Variants in LARGE1 observed in about 807,000 individuals in gnomAD.
LARGE1 encodes LARGE xylosyl- and glucuronyltransferase 1, also known as xylosyl- and glucuronyltransferase LARGE1.
Under a neutral mutation model 87.6 loss-of-function variants are expected in LARGE1, and 43 were observed. The observed-to-expected ratio is 0.49, with a 90% confidence interval of 0.38 to 0.63. The LOEUF is 0.63. LARGE1 is among the 30% of genes least tolerant of loss of function. The pLI, the probability that LARGE1 is intolerant of heterozygous loss-of-function variation, is 0.00. For synonymous variants in LARGE1, 434 were observed against 394.6 expected (o/e 1.10, Z -1.18); for missense variants, 802 against 1,000.2 (o/e 0.80, Z 2.67).
At chr22:33,718,978 G>A (rs763660303) in intron 2 of LARGE1, among the ~76,000 whole-genome samples, 7 of 152,024 alleles carry the variant, frequency 4.6e-5, no homozygotes, top group Admixed American at 3.3e-4. Context: ...TAGTAGAGAC[G>A]GAGTTTCACC....
rs1412221603 is a variant in LARGE1, at chr22:33,273,563, T to G, written c.*864A>C. 1 of 398,512 alleles carries G rather than the reference T, an allele frequency of 2.5e-6. No homozygotes were observed. The highest frequency in any genetic ancestry group is 4.4e-6 in the Non-Finnish European group (1 of 226,146). 24.7% of individuals were successfully genotyped at this position (398,512 alleles called of 1,614,324 possible). ...GTGTAAAACAGCCAGCCCTCGTAATTCCGCAGTCCCCATCGCTATAGCCCC... is the reference window on the plus strand; with the variant it reads ...GTGTAAAACAGCCAGCCCTCGTAATGCCGCAGTCCCCATCGCTATAGCCCC... On this transcript the variant is annotated 3_prime_UTR_variant, in exon 15 of 15. Coordinates refer to ENST00000397394, the MANE Select transcript of LARGE1 (RefSeq NM_133642.5).
chr22:33,389,135 G>A (rs2065427422), intron 7 of LARGE1, among the ~76,000 whole-genome samples: 2 of 152,338 alleles, frequency 1.3e-5, no homozygotes, highest in South Asian at 2.1e-4. Flanking sequence ...AGAGGCAGGA[G>A]ATGCATGACA....
At chr22:33,560,010 C>A (rs2077807942) in intron 6 of LARGE1, among the ~76,000 whole-genome samples, 1 of 152,086 alleles carries the variant, frequency 6.6e-6, no homozygotes, top group Non-Finnish European at 1.5e-5. Context: ...CTTAACTCCA[C>A]CCACATGACA....
chr22:33,899,319 A>G (rs1321526769), intron 1 of LARGE1, among the ~76,000 whole-genome samples: 3 of 152,200 alleles, frequency 2.0e-5, no homozygotes, highest in Non-Finnish European at 4.4e-5. Flanking sequence ...CATGTCAAAA[A>G]TGGAACTGGG....
chr22:33,768,269 G>A (rs934918942), intron 1 of LARGE1, among the ~76,000 whole-genome samples: 1 of 152,118 alleles, frequency 6.6e-6, no homozygotes, highest in African/African-American at 2.4e-5. Context: ...AGATTGTGCC[G>A]CCTGGGCGAC....
chr22:33,837,063 G>A (rs1192398087), intron 1 of LARGE1, among the ~76,000 whole-genome samples: 1 of 152,114 alleles, frequency 6.6e-6, no homozygotes, highest in Non-Finnish European at 1.5e-5. Flanking sequence ...GTGGGAGAGT[G>A]AGCTTCGCCT....
intron 5 of LARGE1, among the ~76,000 whole-genome samples, chr22:33,584,811 G>A (rs1467173578): frequency 6.6e-6 from 1 of 152,204 alleles, no homozygotes; most frequent in Admixed American, 6.5e-5. Context: ...TGGCTTAGAA[G>A]TCACAGATGA....
chr22:33,806,511 C>T (rs2086314046), intron 1 of LARGE1, among the ~76,000 whole-genome samples: 1 of 152,206 alleles, frequency 6.6e-6, no homozygotes, highest in African/African-American at 2.4e-5. Flanking sequence ...TGAACACTTT[C>T]TGAGAACATG....
intron 5 of LARGE1, among the ~76,000 whole-genome samples, chr22:33,569,109 G>C (rs1023934743): frequency 1.3e-5 from 2 of 152,192 alleles, no homozygotes; most frequent in African/African-American, 4.8e-5. Flanking sequence ...TGAAAGCCCT[G>C]GCCTTTGGAG....
chr22:33,484,834 A>C (rs1340208740), intron 6 of LARGE1, among the ~76,000 whole-genome samples: 1 of 151,778 alleles, frequency 6.6e-6, no homozygotes, highest in Non-Finnish European at 1.5e-5. Context: ...TTTTTGTGAC[A>C]CTATTGCCAC....
chr22:33,493,349 C>T (rs1056500652), intron 6 of LARGE1, among the ~76,000 whole-genome samples: 18 of 151,802 alleles, frequency 1.2e-4, no homozygotes, highest in African/African-American at 3.6e-4. Flanking sequence ...TTAGTAGAGA[C>T]GGGGTTTCAC....
chr22:33,703,357 A>G (rs2082456144), intron 2 of LARGE1, among the ~76,000 whole-genome samples: 2 of 119,812 alleles, frequency 1.7e-5, no homozygotes, highest in South Asian at 4.6e-4. Flanking sequence ...CCTAAAGTGA[A>G]AAAAAAAAAA....
At chr22:33,528,608 G>T (rs5998995) in intron 6 of LARGE1, among the ~76,000 whole-genome samples, 2,036 of 152,244 alleles carry the variant, frequency 0.013, 50 homozygotes, top group African/African-American at 0.047. Context: ...CTCTGTGTTG[G>T]GTGATCTCTG....
chr22:33,810,692 T>C (rs2086464830), intron 1 of LARGE1, among the ~76,000 whole-genome samples: 1 of 152,002 alleles, frequency 6.6e-6, no homozygotes, highest in African/African-American at 2.4e-5. Flanking sequence ...GAGTAGCCTG[T>C]GATGGACTTG....
intron 1 of LARGE1, among the ~76,000 whole-genome samples, chr22:33,917,004 C>T (rs961175913): frequency 2.6e-5 from 4 of 152,146 alleles, no homozygotes; most frequent in African/African-American, 9.7e-5. Context: ...ACAATAGCTC[C>T]CCTTCAACTA....
At chr22:33,875,812 T>G (rs2064446110) in intron 1 of LARGE1, among the ~76,000 whole-genome samples, 1 of 152,036 alleles carries the variant, frequency 6.6e-6, no homozygotes, top group Admixed American at 6.6e-5. Flanking sequence ...TGTCCCACAC[T>G]CTGACACCTC....
intron 6 of LARGE1, among the ~76,000 whole-genome samples, chr22:33,504,814 T>A (rs538704513): frequency 6.6e-6 from 1 of 152,312 alleles, no homozygotes; most frequent in South Asian, 2.1e-4. Flanking sequence ...AAAAATAACA[T>A]AGTAGTTAAC....
intron 7 of LARGE1, among the ~76,000 whole-genome samples, chr22:33,387,426 C>CAAAAA (rs758366490): frequency 4.9e-4 from 33 of 67,150 alleles, no homozygotes; most frequent in Non-Finnish European, 5.6e-4. Flanking sequence ...GACTCTGTCT[C>CAAAAA]AAAAAAAAAA....
At chr22:33,789,322 C>T (rs753173437) in intron 1 of LARGE1, among the ~76,000 whole-genome samples, 23 of 152,216 alleles carry the variant, frequency 1.5e-4, no homozygotes, top group South Asian at 6.2e-4. Flanking sequence ...GGAACCCCTG[C>T]CTGGATTTCA....
Sources: gnomAD v4.1 joint callset for allele counts (sites outside exome capture counted in the v4.1 genomes callset) on GRCh38, gnomAD v4.1.1 for gene constraint, MANE v1.5 for transcripts, NCBI Gene and HGNC (gene_info 2026-07-23, HGNC 2026-07-21) for gene names.